DAB1: variants seen among roughly 807,000 people sequenced by gnomAD.
DAB1 encodes the protein disabled homolog 1.
DAB1 carries 15 observed loss-of-function variants against 64.6 expected under a neutral mutation model. The observed-to-expected ratio is 0.23, with a 90% CI of 0.16 to 0.36. The LOEUF (loss-of-function observed/expected upper bound fraction) is 0.36, where lower values mean the gene tolerates loss of function less well. DAB1 is among the 10% of genes least tolerant of loss of function. The pLI is 1.00. For synonymous variants in DAB1, 235 were observed against 251.9 expected (o/e 0.93, Z 0.64); for missense variants, 596 against 706.7 (o/e 0.84, Z 1.78).
At chr1:57,056,135 C>A (rs1649730402) in intron 9 of DAB1, among the ~76,000 whole-genome samples, 1 of 151,918 alleles carries the variant, frequency 6.6e-6, no homozygotes, top group South Asian at 2.1e-4. Flanking sequence ...GGAGTCAAAT[C>A]CAAGTTGTTC....
Position 58,474,045 on chromosome 1 carries a change from T to C in DAB1, n.257+32015A>G, listed in dbSNP as rs1169336101. 3.9e-5 allele frequency: 25 copies of C among 648,956 alleles called. No homozygotes were observed. In the Admixed American group the frequency reaches 5.9e-4, roughly 15 times the overall value. 40.2% of individuals were successfully genotyped at this position (648,956 alleles called of 1,614,324 possible). A position where few individuals can be genotyped will look rare whatever the true frequency, so the allele number is the denominator to read the frequency against. ...CAAACTTCTACTTCATGGTGGCTAT[T>C]AGGGTCATTCCCAATCCAGAGCCTA... On this transcript the variant is annotated intron_variant and non_coding_transcript_variant, in intron 3 of 20. Coordinates refer to the DAB1 transcript ENST00000485760.
chr1:58,526,229 G>A (rs1345280255), intron 2 of DAB1, among the ~76,000 whole-genome samples: 2 of 151,982 alleles, frequency 1.3e-5, no homozygotes, highest in South Asian at 2.1e-4. Context: ...CTTAGTGCAC[G>A]CAGTCTGATA....
intron 4 of DAB1, among the ~76,000 whole-genome samples, chr1:58,233,839 T>G (rs1385968725): frequency 2.0e-5 from 3 of 152,190 alleles, no homozygotes; most frequent in Admixed American, 6.5e-5. Context: ...CACCCCAGAT[T>G]GTTCTCAGCT....
In DAB1 at chr1:57,470,274, T is replaced by C. The variant is rs573147978; in HGVS notation, n.626-179108A>G. On this transcript the variant is annotated intron_variant and non_coding_transcript_variant, in intron 7 of 20. Transcript: ENST00000485760. ...GCAATCTTGGCAGTTTGGGTAGAAA[T>C]ATCTCAGGAATGTTTTGCTTTGTTT... 1.1e-3 allele frequency among the ~76,000 whole-genome samples: 175 copies of C among 152,312 alleles called. 2 individuals carry two copies. The highest frequency in any genetic ancestry group is 1.4e-3 in the Non-Finnish European group (93 of 68,022).
chr1:58,441,226 G>A (rs1645004533), intron 3 of DAB1, among the ~76,000 whole-genome samples: 1 of 152,216 alleles, frequency 6.6e-6, no homozygotes, highest in Non-Finnish European at 1.5e-5. Flanking sequence ...TGAAGGGATA[G>A]ATGCCACGAA....
intron 5 of DAB1, among the ~76,000 whole-genome samples, chr1:57,986,433 C>T (rs532769964): frequency 2.0e-5 from 3 of 152,278 alleles, no homozygotes; most frequent in Admixed American, 1.3e-4. Flanking sequence ...CCTGACAAGA[C>T]ACTGAATCTG....
intron 3 of DAB1, 93 bp from the exon 4 acceptor site, chr1:57,136,734 C>A: frequency 1.5e-6 from 1 of 659,812 alleles, no homozygotes; most frequent in Non-Finnish European, 2.4e-6. Context: ...TCAACCAATG[C>A]CACCAATCAT....
chr1:57,291,985 T>A (rs1672813662), intron 1 of DAB1, among the ~76,000 whole-genome samples: 1 of 152,218 alleles, frequency 6.6e-6, no homozygotes, highest in Non-Finnish European at 1.5e-5. Context: ...ATATACAGTA[T>A]TCTCTTTGAT....
chr1:58,264,042 G>C (rs1014350524), intron 4 of DAB1, among the ~76,000 whole-genome samples: 1 of 152,204 alleles, frequency 6.6e-6, no homozygotes, highest in African/African-American at 2.4e-5. Flanking sequence ...GTTCAACGAT[G>C]AGAAACTCAA....
chr1:57,098,054 G>C lies in DAB1; in HGVS notation c.307-25640C>G, dbSNP rs866365049. Among the ~76,000 whole-genome samples the C allele has an allele frequency of 2.6e-5, 4 of 152,146 alleles. No homozygotes were observed. In the South Asian group the frequency reaches 8.3e-4, roughly 32 times the overall value. ...AGCCTCCCAAAGTGCTGGGATTACA[G>C]GCATGAGCCACCGCACCCAGCAGGA... On this transcript the variant is annotated intron_variant, in intron 4 of 14. Coordinates refer to ENST00000371236, the MANE Select transcript of DAB1 (RefSeq NM_001365792.1).
At chr1:58,301,534 A>G (rs189138179) in intron 4 of DAB1, among the ~76,000 whole-genome samples, 2 of 152,056 alleles carry the variant, frequency 1.3e-5, no homozygotes, top group Admixed American at 6.6e-5. Context: ...GTGTTAGTCT[A>G]TTTTATGTGT....
At chr1:57,882,637 C>T (rs909933285) in intron 1 of DAB1, among the ~76,000 whole-genome samples, 2 of 152,062 alleles carry the variant, frequency 1.3e-5, no homozygotes, top group Admixed American at 1.3e-4. Context: ...GTAGTGAAAA[C>T]ACTCCTACTT....
intron 2 of DAB1, among the ~76,000 whole-genome samples, chr1:58,521,401 C>A (rs2100452921): frequency 6.7e-6 from 1 of 149,494 alleles, no homozygotes; most frequent in African/African-American, 2.5e-5. Context: ...ATATGAAACC[C>A]AAAAAATGAA....
At chr1:58,150,940 G>A (rs1654896111) in intron 4 of DAB1, among the ~76,000 whole-genome samples, 1 of 152,082 alleles carries the variant, frequency 6.6e-6, no homozygotes, top group Non-Finnish European at 1.5e-5. Context: ...AGAACATGCG[G>A]TATTTGGTTT....
intron 5 of DAB1, among the ~76,000 whole-genome samples, chr1:57,951,705 G>A (rs1645283687): frequency 6.6e-6 from 1 of 152,106 alleles, no homozygotes; most frequent in Non-Finnish European, 1.5e-5. Context: ...AGCACCTGGT[G>A]CTTAGTAGAT....
In DAB1 at chr1:57,010,666, G is replaced by C. The variant is rs909832421; in HGVS notation, c.*15+14C>G. On this transcript the variant is annotated intron_variant, in intron 14 of 14. Transcript: ENST00000371236. ...AGCTTAAGGGTAAAGGAGATAAAAA[G>C]GACAGATACCTACCCAGACCTGCGC... is the stretch of plus-strand genomic sequence containing the variant. The C allele has an allele frequency of 7.0e-7, 1 of 1,420,318 alleles. No individual in the cohort carries two copies. The highest frequency in any genetic ancestry group is 2.3e-5 in the Admixed American group (1 of 44,368). The allele number at this position is 1,420,318 out of a possible 1,614,324, so 88.0% of individuals were successfully genotyped here.
chr1:58,500,370 A>T (rs892785667), intron 3 of DAB1, among the ~76,000 whole-genome samples: 5 of 152,222 alleles, frequency 3.3e-5, no homozygotes, highest in Non-Finnish European at 7.3e-5. Flanking sequence ...CAACAACGAC[A>T]TTTCACTTCA....
chr1:58,352,679 C>T (rs1301141075), intron 3 of DAB1, among the ~76,000 whole-genome samples: 1 of 152,150 alleles, frequency 6.6e-6, no homozygotes, highest in Non-Finnish European at 1.5e-5. Context: ...TGGTCTACTG[C>T]TATGGCCTGA....
chr1:57,294,900 T>C (rs572373623), intron 1 of DAB1, among the ~76,000 whole-genome samples: 1 of 152,224 alleles, frequency 6.6e-6, no homozygotes, highest in South Asian at 2.1e-4. Context: ...CTCAATTGTA[T>C]AAAGGAAATG....
Sources: allele counts gnomAD v4.1 joint callset (sites outside exome capture counted in the v4.1 genomes callset), GRCh38; gene constraint gnomAD v4.1.1; transcripts MANE v1.5; gene names NCBI Gene and HGNC (gene_info 2026-07-23, HGNC 2026-07-21).